LMO7: variants seen among roughly 807,000 people sequenced by gnomAD.
LMO7 encodes LIM domain 7, also known as LIM domain only protein 7.
In LMO7, 120 loss-of-function variants were observed where a neutral mutation model predicts 206.5. That is an observed-to-expected ratio of 0.58 (90% CI 0.50 to 0.68). The LOEUF is 0.68. Among genes scored for constraint, LMO7 ranks in the 30% least tolerant of loss-of-function variants. The pLI is 0.00. For synonymous variants in LMO7, 706 were observed against 681.5 expected (o/e 1.04, Z -0.56); for missense variants, 1,959 against 1,957.9 (o/e 1.00, Z -0.01).
chr13:75,856,522 G>A lies in LMO7; in HGVS notation c.4787G>A (p.Cys1596Tyr). 6.2e-7 allele frequency: 1 copy of A among 1,606,220 alleles called. No homozygotes were observed. The highest frequency in any genetic ancestry group is 8.5e-7 in the Non-Finnish European group (1 of 1,173,648). ...LHCFKCVACE[C>Y]DLGGSSSGAE... ...GTTCCCCAGTGTGTTGCCTGTGAGTGTGACCTCGGAGGCTCTTCCTCAGGA... is the reference window on the plus strand; with the variant it reads ...GTTCCCCAGTGTGTTGCCTGTGAGTATGACCTCGGAGGCTCTTCCTCAGGA... The change falls in exon 30 of 31, where the codon TGT becomes TAT. Residue 1596 changes from cysteine (C) to tyrosine (Y), a missense_variant. Transcript: ENST00000377534.
chr13:75,848,891 C>T (rs560551653), intron 26 of LMO7, 188 bp from the exon 27 acceptor site: 13 of 557,110 alleles, frequency 2.3e-5, no homozygotes, highest in African/African-American at 2.1e-4. Flanking sequence ...TAGGAGTGCT[C>T]CCTTTTCCCT....
At chr13:75,676,491 G>A (rs2040027563) in intron 1 of LMO7, among the ~76,000 whole-genome samples, 1 of 152,188 alleles carries the variant, frequency 6.6e-6, no homozygotes, top group African/African-American at 2.4e-5. Context: ...AATGTGGTAG[G>A]TAATGTAACA....
chr13:75,726,116 G>A (rs1315110507), intron 2 of LMO7, among the ~76,000 whole-genome samples: 1 of 151,642 alleles, frequency 6.6e-6, no homozygotes, highest in Non-Finnish European at 1.5e-5. Flanking sequence ...CTTGTGGATG[G>A]GTTTTTGAAT....
chr13:75,655,637 T>TTATATATATA (rs67966172), intron 1 of LMO7, among the ~76,000 whole-genome samples: 107 of 134,648 alleles, frequency 7.9e-4, no homozygotes, highest in African/African-American at 2.0e-3. Context: ...TTCATGGATT[T>TTATATATATA]TATATATATA....
intron 15 of LMO7, 42 bp from the exon 16 acceptor site, chr13:75,833,009 G>T: frequency 9.1e-7 from 1 of 1,102,788 alleles, no homozygotes; most frequent in East Asian, 2.4e-5. Flanking sequence ...CCATGTGGGT[G>T]CCAGGGACAC....
intron 3 of LMO7, among the ~76,000 whole-genome samples, chr13:75,741,246 TC>T (rs1352060317): frequency 6.6e-6 from 1 of 152,236 alleles, no homozygotes; most frequent in Non-Finnish European, 1.5e-5. Flanking sequence ...TTTGTCAATC[TC>T]ATCAATTTCC....
chr13:75,734,394 ACT>A (rs1404033489), intron 3 of LMO7, among the ~76,000 whole-genome samples: 1 of 152,154 alleles, frequency 6.6e-6, no homozygotes, highest in African/African-American at 2.4e-5. Context: ...ACTTCAGAAA[ACT>A]CTGAAGTTTA....
Position 75,770,189 on chromosome 13 carries a change from T to TC in LMO7, c.317+9151_317+9152insC, listed in dbSNP as rs1262833317. On this transcript the variant is annotated intron_variant, in intron 4 of 30. Coordinates refer to ENST00000377534, the MANE Select transcript of LMO7 (RefSeq NM_001306080.2). ...TGTTTTGGTGATGAATTTTTTTTTTTTCCCCACCGAAGGGGCCTGGTCCAT... is the reference window on the plus strand; with the variant it reads ...TGTTTTGGTGATGAATTTTTTTTTTTCTCCCCACCGAAGGGGCCTGGTCCAT... Among the ~76,000 whole-genome samples the TC allele has an allele frequency of 2.7e-4, 40 of 148,592 alleles. 1 individual carries two copies. Among genetic ancestry groups the TC allele is most frequent in the Non-Finnish European group, 1.5e-5 (1 of 66,184 alleles).
chr13:75,794,937 G>GA lies in LMO7; in HGVS notation c.318-455dup, dbSNP rs915167943. Among the ~76,000 whole-genome samples, 34 of 150,550 alleles carry GA rather than the reference G, an allele frequency of 2.3e-4. 1 individual carries two copies. Among genetic ancestry groups the GA allele is most frequent in the East Asian group, 1.4e-3 (7 of 5,128 alleles). On this transcript the variant is annotated intron_variant, in intron 4 of 30. Transcript: ENST00000377534. ...TTGGATGAAAAACCTTATGGATGAT[G>GA]AAAAAAAAACCCCATCAGTGCAAAA...
rs753060692 is a variant in LMO7 at position 75,838,202 on chromosome 13, C to T, written c.3451+6C>T. The T allele has an allele frequency of 1.6e-5, 25 of 1,603,582 alleles. No homozygotes were observed. The South Asian group carries it at 2.6e-4, about 17-fold the overall frequency. On this transcript the variant is annotated splice_donor_region_variant and intron_variant, in intron 20 of 30. Transcript: ENST00000377534. ...ATCACAATTTTTTGAACAAGGTAAA[C>T]CACAAAGCTAACAATTCATGCACTT...
At position 75,817,256 on chromosome 13, in the gene LMO7, A is replaced by G. The variant is rs1011002927; in HGVS notation, c.2042A>G (p.Glu681Gly). 2.5e-6 allele frequency: 4 copies of G among 1,611,664 alleles called. No homozygotes were observed. In the African/African-American group the frequency reaches 4.0e-5, roughly 16 times the overall value. ...CAGAAAATAAAATCACAATTAAAAGAACAAGATCAGAAATGGCAGGATGTG... is the reference window on the plus strand; with the variant it reads ...CAGAAAATAAAATCACAATTAAAAGGACAAGATCAGAAATGGCAGGATGTG... ...EMQKIKSQLK[E>G]QDQKWQDDLA... is the part of the protein sequence containing the mutation. The change falls in exon 12 of 31, where the codon GAA (glutamate) becomes GGA (glycine). Residue 681 changes from glutamate to glycine, a missense_variant. Coordinates refer to ENST00000377534, the MANE Select transcript of LMO7 (RefSeq NM_001306080.2).
intron 2 of LMO7, chr13:75,628,118 G>A (rs929266277): frequency 3.3e-5 from 5 of 152,138 alleles, no homozygotes; most frequent in Admixed American, 1.3e-4. Context: ...GACAAAGGTC[G>A]ATAAGAACTT....
At chr13:75,841,567 C>G in intron 23 of LMO7, 61 bp from the exon 24 acceptor site, 1 of 1,175,410 alleles carries the variant, frequency 8.5e-7, no homozygotes, top group Non-Finnish European at 1.2e-6. Context: ...ATATATGTGT[C>G]TATATGAAAT....
intron 3 of LMO7, among the ~76,000 whole-genome samples, chr13:75,754,180 C>T (rs765234466): frequency 6.6e-6 from 1 of 152,180 alleles, no homozygotes; most frequent in Non-Finnish European, 1.5e-5. Flanking sequence ...GTGGTTTCTC[C>T]CCATTTCCTC....
chr13:75,624,088 A>C (rs1484109078), intron 2 of LMO7, among the ~76,000 whole-genome samples: 1 of 152,108 alleles, frequency 6.6e-6, no homozygotes, highest in Non-Finnish European at 1.5e-5. Flanking sequence ...CTTCTGCTGA[A>C]TTCTCAATTT....
At chr13:75,680,387 G>A (rs2040376190) in intron 1 of LMO7, among the ~76,000 whole-genome samples, 2 of 152,176 alleles carry the variant, frequency 1.3e-5, no homozygotes, top group Non-Finnish European at 2.9e-5. Context: ...ATAATAGAAT[G>A]ATTTATCCTC....
intron 4 of LMO7, among the ~76,000 whole-genome samples, chr13:75,786,465 C>G (rs1311061840): frequency 6.6e-6 from 1 of 151,760 alleles, no homozygotes. Flanking sequence ...AGCTCCACCT[C>G]CCAAGTTCAC....
intron 1 of LMO7, among the ~76,000 whole-genome samples, chr13:75,663,470 G>A (rs1442779132): frequency 2.3e-4 from 28 of 120,158 alleles, no homozygotes; most frequent in African/African-American, 7.9e-4. Flanking sequence ...TCGCTCTGTC[G>A]CCCAGGCTGG....
At chr13:75,726,988 T>C (rs746484846) in intron 2 of LMO7, 41 bp from the exon 3 acceptor site, 13 of 1,111,588 alleles carry the variant, frequency 1.2e-5, no homozygotes, top group Non-Finnish European at 1.7e-5. Context: ...AAACCTGATA[T>C]TGGCATCTTG....
Sources: allele counts gnomAD v4.1 joint callset (sites outside exome capture counted in the v4.1 genomes callset), GRCh38; gene constraint gnomAD v4.1.1; transcripts MANE v1.5; gene names NCBI Gene and HGNC (gene_info 2026-07-23, HGNC 2026-07-21).